The following PPP3CA variants were observed in gnomAD, a reference collection of about 807,000 sequenced individuals.
PPP3CA encodes the protein protein phosphatase 3 catalytic subunit alpha, also known as CAM-PRP catalytic subunit.
A neutral mutation model predicts 66.5 loss-of-function variants in PPP3CA; 14 were observed. The ratio of observed to expected loss-of-function variants is 0.21; its 90% CI spans 0.14 to 0.33. PPP3CA has a LOEUF of 0.33. PPP3CA is among the 10% of genes least tolerant of loss of function. The pLI, the probability that PPP3CA is intolerant of heterozygous loss-of-function variation, is 1.00. For missense variants in PPP3CA, 317 were observed against 639.5 expected (o/e 0.50, Z 5.44); for synonymous variants, 232 against 226.2 (o/e 1.03, Z -0.23).
intron 2 of PPP3CA, among the ~76,000 whole-genome samples, chr4:101,147,524 G>GA (rs1173222650): frequency 1.3e-5 from 2 of 152,136 alleles, no homozygotes; most frequent in African/African-American, 4.8e-5. Context: ...TGAGCCCATT[G>GA]AAATATTATA....
intron 1 of PPP3CA, among the ~76,000 whole-genome samples, chr4:101,234,762 C>T (rs1471094434): frequency 1.3e-5 from 2 of 151,758 alleles, no homozygotes; most frequent in Non-Finnish European, 2.9e-5. Context: ...GAGAAACTTA[C>T]AGGCTCAAAG....
intron 1 of PPP3CA, among the ~76,000 whole-genome samples, chr4:101,236,842 T>C (rs1488111675): frequency 6.6e-6 from 1 of 151,732 alleles, no homozygotes; most frequent in Non-Finnish European, 1.5e-5. Flanking sequence ...ATTTCAACAG[T>C]ATTCTTTGAA....
intron 1 of PPP3CA, among the ~76,000 whole-genome samples, chr4:101,205,557 G>C (rs1032125595): frequency 7.0e-6 from 1 of 143,042 alleles, no homozygotes; most frequent in African/African-American, 2.9e-5. Context: ...TCCTAAACTG[G>C]TAAGTTGATA....
chr4:101,088,693 A>G (rs149420980), intron 6 of PPP3CA, among the ~76,000 whole-genome samples: 200 of 152,240 alleles, frequency 1.3e-3, no homozygotes, highest in Non-Finnish European at 2.5e-3. Context: ...AAAATTCTCA[A>G]AAAAGATACC....
At chr4:101,105,270 G>A (rs1053492370) in intron 3 of PPP3CA, among the ~76,000 whole-genome samples, 2 of 150,772 alleles carry the variant, frequency 1.3e-5, no homozygotes, top group Admixed American at 6.6e-5. Context: ...GGGTTCAAGC[G>A]ATTCTCCTGC....
chr4:101,111,488 T>C (rs922186000), intron 2 of PPP3CA, among the ~76,000 whole-genome samples: 1 of 152,148 alleles, frequency 6.6e-6, no homozygotes, highest in African/African-American at 2.4e-5. Context: ...GGCTAAGACA[T>C]AGGCTTCAGA....
At chr4:101,340,013 T>A (rs915035850) in intron 1 of PPP3CA, among the ~76,000 whole-genome samples, 2 of 152,160 alleles carry the variant, frequency 1.3e-5, no homozygotes, top group Non-Finnish European at 2.9e-5. Context: ...TGATGAAAAT[T>A]TTTTTAATTT....
At chr4:101,085,602 CAT>C (rs1729630195) in intron 6 of PPP3CA, among the ~76,000 whole-genome samples, 1 of 152,164 alleles carries the variant, frequency 6.6e-6, no homozygotes, top group Admixed American at 6.5e-5. Context: ...ATTTTCAAAA[CAT>C]ATGCCATCAT....
In PPP3CA at chr4:101,344,233, G is replaced by A. The variant is rs539755494; in HGVS notation, c.58+2506C>T. 4.6e-5 allele frequency among the ~76,000 whole-genome samples: 7 copies of A among 152,188 alleles called. No individual in the cohort carries two copies. The South Asian group carries it at 8.3e-4, about 18-fold the overall frequency. ...TTAATATGTTTCACATCCAGCATAC[G>A]CGTACTTTCCATTCATTCAGTACGT... On this transcript the variant is annotated intron_variant, in intron 1 of 13. Coordinates refer to ENST00000394854, the MANE Select transcript of PPP3CA (RefSeq NM_000944.5).
At chr4:101,250,536 T>G (rs971995001) in intron 1 of PPP3CA, among the ~76,000 whole-genome samples, 1 of 152,210 alleles carries the variant, frequency 6.6e-6, no homozygotes, top group Non-Finnish European at 1.5e-5. Context: ...TTCTTGTCTA[T>G]AACTCAGATG....
At chr4:101,040,672 T>G (rs899823947) in intron 10 of PPP3CA, 106 bp from the exon 11 acceptor site, 61 of 865,718 alleles carry the variant, frequency 7.0e-5, no homozygotes, top group Non-Finnish European at 1.0e-4. Flanking sequence ...ATCAGTATTT[T>G]TTTTTTTTCC....
At chr4:101,286,503 T>C (rs1214446323) in intron 1 of PPP3CA, among the ~76,000 whole-genome samples, 2 of 152,166 alleles carry the variant, frequency 1.3e-5, no homozygotes, top group East Asian at 1.9e-4. Flanking sequence ...ACCAAGAAGG[T>C]AGAAAAATCC....
intron 11 of PPP3CA, among the ~76,000 whole-genome samples, chr4:101,036,623 A>G (rs1469345078): frequency 6.6e-6 from 1 of 152,210 alleles, no homozygotes; most frequent in African/African-American, 2.4e-5. Flanking sequence ...CATGTTAGCC[A>G]GGATGGTCTC....
chr4:101,327,534 T>C (rs1729245082), intron 1 of PPP3CA, among the ~76,000 whole-genome samples: 1 of 152,148 alleles, frequency 6.6e-6, no homozygotes, highest in South Asian at 2.1e-4. Context: ...AGCATGTTTC[T>C]TACATATTTT....
intron 6 of PPP3CA, among the ~76,000 whole-genome samples, chr4:101,083,646 C>T (rs1729536642): frequency 6.6e-6 from 1 of 152,248 alleles, no homozygotes; most frequent in African/African-American, 2.4e-5. Context: ...AAATATTGCA[C>T]CATTTGTGCA....
At chr4:101,087,889 G>A (rs1729739589) in intron 6 of PPP3CA, among the ~76,000 whole-genome samples, 1 of 152,138 alleles carries the variant, frequency 6.6e-6, no homozygotes, top group African/African-American at 2.4e-5. Context: ...GAGTAGAGGT[G>A]AAGTAAGATC....
At chr4:101,275,475 A>G (rs1449418767) in intron 1 of PPP3CA, among the ~76,000 whole-genome samples, 1 of 152,208 alleles carries the variant, frequency 6.6e-6, no homozygotes, top group Non-Finnish European at 1.5e-5. Flanking sequence ...CCTTGAGAGC[A>G]CTGCATAAAA....
At chr4:101,137,315 G>A (rs940960266) in intron 2 of PPP3CA, among the ~76,000 whole-genome samples, 1 of 152,030 alleles carries the variant, frequency 6.6e-6, no homozygotes, top group Non-Finnish European at 1.5e-5. Flanking sequence ...AAGGCAAGAT[G>A]GGGGGAGTAG....
At chr4:101,040,590 T>C in intron 10 of PPP3CA, 24 bp from the exon 11 acceptor site, 1 of 1,575,242 alleles carries the variant, frequency 6.3e-7, no homozygotes, top group Non-Finnish European at 8.7e-7. Flanking sequence ...CAGAGTTCAG[T>C]GGTCAGTAAT....
Sources: gnomAD v4.1 joint callset for allele counts (sites outside exome capture counted in the v4.1 genomes callset) on GRCh38, gnomAD v4.1.1 for gene constraint, MANE v1.5 for transcripts, NCBI Gene and HGNC (gene_info 2026-07-23, HGNC 2026-07-21) for gene names.